FRS2: variants seen among roughly 807,000 people sequenced by gnomAD.
FRS2 encodes fibroblast growth factor receptor substrate 2, also known as FGFR signalling adaptor.
FRS2 carries 8 observed loss-of-function variants against 43.9 expected under a neutral mutation model. That is an observed-to-expected ratio of 0.18 (90% confidence interval 0.11 to 0.33). FRS2 has a LOEUF of 0.33. Ranked by LOEUF, FRS2 falls within the 10% of genes least tolerant of loss-of-function variation. The pLI is 1.00. For missense variants in FRS2, 534 were observed against 627.6 expected (o/e 0.85, Z 1.59); for synonymous variants, 219 against 220.3 (o/e 0.99, Z 0.05).
At chr12:69,543,338 G>C (rs1878083951) in intron 3 of FRS2, among the ~76,000 whole-genome samples, 1 of 152,186 alleles carries the variant, frequency 6.6e-6, no homozygotes, top group Admixed American at 6.5e-5. Context: ...GAATACTTAT[G>C]TTGCTATTTT....
At chr12:69,511,108 C>CT (rs1299776978) in intron 1 of FRS2, among the ~76,000 whole-genome samples, 8 of 152,124 alleles carry the variant, frequency 5.3e-5, no homozygotes, top group Non-Finnish European at 1.0e-4. Context: ...AGTACTTGTG[C>CT]TTTTTTTCTC....
chr12:69,553,694 G>T (rs1395381038), intron 3 of FRS2, among the ~76,000 whole-genome samples: 2 of 152,164 alleles, frequency 1.3e-5, no homozygotes, highest in African/African-American at 4.8e-5. Flanking sequence ...TTCTACCCAT[G>T]TTGCTAGATG....
chr12:69,556,546 G>C (rs984412719), intron 3 of FRS2, among the ~76,000 whole-genome samples: 1 of 151,874 alleles, frequency 6.6e-6, no homozygotes, highest in Non-Finnish European at 1.5e-5. Context: ...AACTGGTCTT[G>C]AACTTCTGAC....
At position 69,493,197 on chromosome 12, in the gene FRS2, T is replaced by C. The variant is rs7311648; in HGVS notation, c.-261+22667T>C. On this transcript the variant is annotated intron_variant, in intron 1 of 8. Coordinates refer to ENST00000549921, the MANE Select transcript of FRS2 (RefSeq NM_001278356.2). ...GGTTTAAAAATAATTGTTACATTTG[T>C]GCATTTTAAAAGTTGCTTCTAACAC... 9.8e-3 allele frequency among the ~76,000 whole-genome samples: 1,498 copies of C among 152,334 alleles called. 24 individuals carry two copies. The highest frequency in any genetic ancestry group is 0.034 in the African/African-American group (1,404 of 41,570).
At chr12:69,536,674 G>A (rs577169183) in intron 3 of FRS2, among the ~76,000 whole-genome samples, 1 of 150,874 alleles carries the variant, frequency 6.6e-6, no homozygotes, top group Non-Finnish European at 1.5e-5. Context: ...TGGACTCAAC[G>A]ATCCTCCCAC....
At chr12:69,566,570 G>A (rs181703547) in intron 4 of FRS2, among the ~76,000 whole-genome samples, 1 of 152,004 alleles carries the variant, frequency 6.6e-6, no homozygotes, top group East Asian at 1.9e-4. Context: ...TCACGCCATA[G>A]CACTCCAGCC....
At chr12:69,505,892 T>G (rs539438256) in intron 1 of FRS2, among the ~76,000 whole-genome samples, 1 of 152,360 alleles carries the variant, frequency 6.6e-6, no homozygotes, top group South Asian at 2.1e-4. Context: ...CATGAGTTCC[T>G]TGTCTTTTTT....
At chr12:69,522,798 C>G (rs1053802916) in intron 1 of FRS2, among the ~76,000 whole-genome samples, 1 of 152,220 alleles carries the variant, frequency 6.6e-6, no homozygotes. Context: ...TCTTTGTACT[C>G]ATTAGTTTCA....
intron 1 of FRS2, among the ~76,000 whole-genome samples, chr12:69,502,408 T>G (rs1246352874): frequency 6.6e-6 from 1 of 152,080 alleles, no homozygotes. Context: ...TTTAATTTTT[T>G]TTTTATTATA....
In FRS2 at chr12:69,563,264, G is replaced by A. The variant is rs146873445; in HGVS notation, c.-27+990G>A. Among the ~76,000 whole-genome samples, 1,039 of 152,208 alleles carry A rather than the reference G, an allele frequency of 6.8e-3. 15 individuals are homozygous for A. Among genetic ancestry groups the A allele is most frequent in the African/African-American group, 0.024 (997 of 41,522 alleles). On this transcript the variant is annotated intron_variant, in intron 4 of 8. Transcript: ENST00000549921. Reference sequence around the variant, plus strand: ...CCTTGCCTCAGAGTTTGTGGTTTAGGAGAAAGAATCAGATATGTGGATGAA... The same window carrying A: ...CCTTGCCTCAGAGTTTGTGGTTTAGAAGAAAGAATCAGATATGTGGATGAA...
At chr12:69,553,021 A>G (rs1879034964) in intron 3 of FRS2, among the ~76,000 whole-genome samples, 2 of 152,174 alleles carry the variant, frequency 1.3e-5, no homozygotes, top group Non-Finnish European at 2.9e-5. Context: ...TTTTTTAAAA[A>G]TAACACAAAA....
chr12:69,474,675 C>T (rs1008354836), intron 1 of FRS2, among the ~76,000 whole-genome samples: 4 of 152,224 alleles, frequency 2.6e-5, no homozygotes, highest in Non-Finnish European at 4.4e-5. Context: ...ACTTCAGACT[C>T]ATTTCATCCA....
intron 3 of FRS2, among the ~76,000 whole-genome samples, chr12:69,539,502 T>C (rs1175791708): frequency 6.6e-6 from 1 of 152,162 alleles, no homozygotes; most frequent in East Asian, 1.9e-4. Flanking sequence ...CTGAAGGTGA[T>C]TTATACAATA....
chr12:69,528,503 C>T (rs1876478863), intron 1 of FRS2, among the ~76,000 whole-genome samples: 1 of 152,154 alleles, frequency 6.6e-6, no homozygotes, highest in African/African-American at 2.4e-5. Context: ...TTCTACCACT[C>T]TGTTCTAGAG....
intron 1 of FRS2, among the ~76,000 whole-genome samples, chr12:69,493,148 A>G (rs1053829802): frequency 6.6e-6 from 1 of 152,192 alleles, no homozygotes; most frequent in African/African-American, 2.4e-5. Flanking sequence ...TTTAGATAGG[A>G]ACTGCTATTT....
intron 1 of FRS2, among the ~76,000 whole-genome samples, chr12:69,524,684 A>G (rs1299282963): frequency 6.6e-6 from 1 of 152,134 alleles, no homozygotes; most frequent in Non-Finnish European, 1.5e-5. Context: ...GGGCAGGTCA[A>G]TTCTAGGGGA....
At position 69,477,272 on chromosome 12, in the gene FRS2, CTTTTTTTTT is replaced by C. The variant is rs11300091; in HGVS notation, c.-261+6755_-261+6763del. Among the ~76,000 whole-genome samples the C allele has an allele frequency of 5.8e-5, 6 of 103,142 alleles. 1 individual carries two copies. The East Asian group carries it at 8.2e-4, about 14-fold the overall frequency. 67.7% of individuals were successfully genotyped at this position (103,142 alleles called of 152,430 possible). A position where few individuals can be genotyped will look rare whatever the true frequency, so the allele number is the denominator to read the frequency against. ...TGCATGTCGACAGTATTTTAAAATA[CTTTTTTTTT>C]TTTTTTTTTTTTGGTTTGAGACGGA... On this transcript the variant is annotated intron_variant, in intron 1 of 8. Transcript: ENST00000549921.
chr12:69,526,686 G>A (rs1213101101), intron 1 of FRS2, among the ~76,000 whole-genome samples: 5 of 150,758 alleles, frequency 3.3e-5, no homozygotes, highest in Admixed American at 3.3e-4. Flanking sequence ...GTAGATAGAT[G>A]AGAGAGAAAA....
intron 1 of FRS2, among the ~76,000 whole-genome samples, chr12:69,471,222 G>A (rs1870256094): frequency 6.6e-6 from 1 of 151,642 alleles, no homozygotes; most frequent in Admixed American, 6.6e-5. Flanking sequence ...AGGAAAATCA[G>A]TAGTTTAGAC....
Sources: allele counts gnomAD v4.1 joint callset (sites outside exome capture counted in the v4.1 genomes callset), GRCh38; gene constraint gnomAD v4.1.1; transcripts MANE v1.5; gene names NCBI Gene and HGNC (gene_info 2026-07-23, HGNC 2026-07-21).